EXOSC9: variants seen among roughly 807,000 people sequenced by gnomAD.
EXOSC9 encodes the protein exosome complex component RRP45.
In EXOSC9, 38 loss-of-function variants were observed where a neutral mutation model predicts 56.5. That is an observed-to-expected ratio of 0.67 (90% CI 0.52 to 0.88). EXOSC9 has a LOEUF of 0.88. Among genes scored for constraint, EXOSC9 ranks in the 40% least tolerant of loss-of-function variants. EXOSC9 has a pLI of 0.00. For synonymous variants in EXOSC9, 170 were observed against 170.8 expected (o/e 0.99, Z 0.04); for missense variants, 559 against 530.5 (o/e 1.05, Z -0.53).
intron 10 of EXOSC9, chr4:121,815,589 C>T: frequency 1.0e-6 from 1 of 985,186 alleles, no homozygotes; most frequent in Non-Finnish European, 1.2e-6. Flanking sequence ...ATACAATGGC[C>T]AGTAATATTT....
chr4:121,812,514 C>T (rs1275778213), intron 8 of EXOSC9, among the ~76,000 whole-genome samples: 1 of 152,116 alleles, frequency 6.6e-6, no homozygotes, highest in Non-Finnish European at 1.5e-5. Flanking sequence ...GATGAAGTCT[C>T]ACTTCTCACT....
intron 3 of EXOSC9, 34 bp downstream of exon 3, chr4:121,802,827 A>C (rs372882070): frequency 6.2e-7 from 1 of 1,613,342 alleles, no homozygotes; most frequent in Non-Finnish European, 8.5e-7. Context: ...TGCTTTAGTC[A>C]TAGGAGAACC....
chr4:121,810,485 G>T (rs562968269), intron 7 of EXOSC9, among the ~76,000 whole-genome samples: 1 of 151,954 alleles, frequency 6.6e-6, no homozygotes, highest in Non-Finnish European at 1.5e-5. Flanking sequence ...TTCAAGACCA[G>T]CCTGGCCAAC....
At chr4:121,806,825 G>C (rs1164124819) in intron 5 of EXOSC9, among the ~76,000 whole-genome samples, 1 of 151,998 alleles carries the variant, frequency 6.6e-6, no homozygotes, top group Non-Finnish European at 1.5e-5. Flanking sequence ...AAATAAGATA[G>C]ATCAGTGATT....
intron 1 of EXOSC9, 126 bp from the exon 2 acceptor site, chr4:121,801,701 C>G: frequency 1.2e-6 from 1 of 862,678 alleles, no homozygotes; most frequent in South Asian, 1.4e-5. Flanking sequence ...TTTCCACTTT[C>G]CTGTATGGGC....
At position 121,816,970 on chromosome 4, in the gene EXOSC9, A is replaced by AAAAT; in HGVS notation, c.*116_*119dup. The AAAAT allele has an allele frequency of 9.0e-7, 1 of 1,113,224 alleles. No individual in the cohort carries two copies. The highest frequency in any genetic ancestry group is 2.1e-5 in the South Asian group (1 of 48,070). 69.0% of individuals were successfully genotyped at this position (1,113,224 alleles called of 1,614,324 possible). A position where few individuals can be genotyped will look rare whatever the true frequency, so the allele number is the denominator to read the frequency against. ...CATTATAAAATCTAGCAGGATTTTA[A>AAAAT]AAATAGTTTTTTGTTTTTAATGTGC... is the stretch of plus-strand genomic sequence containing the variant. On this transcript the variant is annotated 3_prime_UTR_variant, in exon 12 of 12. Coordinates refer to ENST00000243498, the MANE Select transcript of EXOSC9 (RefSeq NM_005033.3).
intron 11 of EXOSC9, 33 bp downstream of exon 11, chr4:121,816,480 C>T (rs1252563363): frequency 4.5e-6 from 6 of 1,328,084 alleles, no homozygotes; most frequent in Non-Finnish European, 6.3e-6. Context: ...CAAATGTATA[C>T]ATATACTCAA....
At chr4:121,812,423 A>G (rs1727238372) in intron 8 of EXOSC9, among the ~76,000 whole-genome samples, 1 of 152,176 alleles carries the variant, frequency 6.6e-6, no homozygotes, top group Non-Finnish European at 1.5e-5. Flanking sequence ...GTGTTTTTAG[A>G]AAATTGGACT....
rs772508305 is a variant in EXOSC9 at position 121,802,912 on chromosome 4, T to C, written c.282-3T>C. 3.7e-6 allele frequency: 6 copies of C among 1,613,586 alleles called. No individual in the cohort carries two copies. The highest frequency in any genetic ancestry group is 4.2e-6 in the Non-Finnish European group (5 of 1,179,504). ...TTAGCCCATTCCTATTTTCTCCTTA[T>C]AGGCAGTCAGATCTCTTGGTGAAGT... On this transcript the variant is annotated splice_region_variant and splice_polypyrimidine_tract_variant and intron_variant, in intron 3 of 11. Transcript: ENST00000243498.
At chr4:121,801,734 C>A in intron 1 of EXOSC9, 93 bp from the exon 2 acceptor site, 1 of 1,094,676 alleles carries the variant, frequency 9.1e-7, no homozygotes. Flanking sequence ...ATTCCACTTT[C>A]CCCCAAGTGC....
In EXOSC9 at chr4:121,803,238, G is replaced by C. The variant is rs549478718; in HGVS notation, c.384+221G>C. Among the ~76,000 whole-genome samples the C allele has an allele frequency of 2.9e-3, 439 of 151,848 alleles. 1 individual carries two copies. The highest frequency in any genetic ancestry group is 6.8e-3 in the Middle Eastern group (2 of 292). On this transcript the variant is annotated intron_variant, in intron 4 of 11. Transcript: ENST00000243498. Reference sequence around the variant, plus strand: ...TCAGAGGACACCCTTTTTCTTAAAGGTTTCTAAAAGGTTTTCACCCTTTAT... The same window carrying C: ...TCAGAGGACACCCTTTTTCTTAAAGCTTTCTAAAAGGTTTTCACCCTTTAT...
At chr4:121,815,630 A>G in intron 10 of EXOSC9, 1 of 985,442 alleles carries the variant, frequency 1.0e-6, no homozygotes, top group African/African-American at 1.7e-5. Flanking sequence ...TAATACAAAT[A>G]AAATCCAAAG....
chr4:121,801,371 GGGT>G lies in EXOSC9; in HGVS notation c.-53_-51del. The G allele has an allele frequency of 6.5e-7, 1 of 1,532,184 alleles. No homozygotes were observed. Among genetic ancestry groups the G allele is most frequent in the Non-Finnish European group, 9.0e-7 (1 of 1,105,332 alleles). 94.9% of individuals were successfully genotyped at this position (1,532,184 alleles called of 1,614,324 possible). Reference sequence around the variant, plus strand: ...GAGCAGCGGCGCGCAAGGAAAGATCGGGTTCCGTTTTTCCCGCGGATTCTGGTG... The same window carrying G: ...GAGCAGCGGCGCGCAAGGAAAGATCGTCCGTTTTTCCCGCGGATTCTGGTG... On this transcript the variant is annotated 5_prime_UTR_variant, in exon 1 of 12. Transcript: ENST00000243498.
chr4:121,801,863 A>G lies in EXOSC9; in HGVS notation c.103A>G (p.Ile35Val). The G allele has an allele frequency of 6.2e-7, 1 of 1,614,088 alleles. No individual in the cohort carries two copies. The highest frequency in any genetic ancestry group is 8.5e-7 in the Non-Finnish European group (1 of 1,179,928). The change falls in exon 2 of 12, where the codon ATC becomes GTC. Residue 35 changes from isoleucine (I) to valine (V), a missense_variant. Coordinates refer to ENST00000243498, the MANE Select transcript of EXOSC9 (RefSeq NM_005033.3). The stretch of plus-strand genomic sequence containing the variant: ...CAGACAAACCTATGATTATAGGAAC[A>G]TCAGGATCTCATTTGGAACAGATTA... ...DGRQTYDYRN[I>V]RISFGTDYGC...
At chr4:121,806,777 TA>T (rs1258528226) in intron 5 of EXOSC9, among the ~76,000 whole-genome samples, 3 of 152,094 alleles carry the variant, frequency 2.0e-5, no homozygotes, top group African/African-American at 7.2e-5. Context: ...TTTTTCCATT[TA>T]TATAGAATGC....
Position 121,801,449 on chromosome 4 carries a change from T to C in EXOSC9, c.25T>C (p.Cys9Arg). 1 of 1,614,186 alleles carries C rather than the reference T, an allele frequency of 6.2e-7. No homozygotes were observed. Residue 9 changes from cysteine to arginine, a missense_variant, in exon 1 of 12, where the codon TGC (cysteine) becomes CGC (arginine). Cys to Arg is a radical substitution (Grantham distance 180, BLOSUM62 -3). Coordinates refer to ENST00000243498, the MANE Select transcript of EXOSC9 (RefSeq NM_005033.3). ...CATGAAGGAAACGCCACTCTCAAAC[T>C]GCGAACGCCGCTTCCTACTCCGTGC... Reference protein sequence around the residue: MKETPLSNCERRFLLRAIE... With the variant: MKETPLSNRERRFLLRAIE...
chr4:121,816,146 C>A (rs1402976233), intron 10 of EXOSC9: 5 of 653,210 alleles, frequency 7.7e-6, no homozygotes, highest in Non-Finnish European at 1.3e-5. Flanking sequence ...TTTAATAGAG[C>A]TGGGGTTTCA....
intron 10 of EXOSC9, chr4:121,815,965 C>T (rs1173588627): frequency 3.1e-5 from 39 of 1,240,228 alleles, no homozygotes; most frequent in Middle Eastern, 3.1e-4. Context: ...AAGCCTCCAC[C>T]TAGAGTTTTA....
chr4:121,813,772 G>A (rs1043271329), intron 9 of EXOSC9, 94 bp from the exon 10 acceptor site: 97 of 910,700 alleles, frequency 1.1e-4, no homozygotes, highest in Non-Finnish European at 3.0e-5. Context: ...GGGCACACTT[G>A]AATCAATCTT....
Sources: gnomAD v4.1 joint callset for allele counts (sites outside exome capture counted in the v4.1 genomes callset) on GRCh38, gnomAD v4.1.1 for gene constraint, MANE v1.5 for transcripts, NCBI Gene and HGNC (gene_info 2026-07-23, HGNC 2026-07-21) for gene names.